CFTR: variants seen among roughly 807,000 people sequenced by gnomAD.
The protein encoded by CFTR is CF transmembrane conductance regulator, also known as cystic fibrosis transmembrane conductance regulator.
In CFTR, 181 loss-of-function variants were observed where a neutral mutation model predicts 171.6. The ratio of observed to expected loss-of-function variants is 1.05; its 90% CI spans 0.93 to 1.19. The LOEUF (loss-of-function observed/expected upper bound fraction) is 1.19, where lower values mean the gene tolerates loss of function less well. CFTR is among the 50% of genes most tolerant of loss of function. CFTR has a pLI of 0.00. For synonymous variants in CFTR, 583 were observed against 608.0 expected, an observed-to-expected ratio of 0.96 and a Z score of 0.60; for missense variants, 1,968 against 1,734.7, an observed-to-expected ratio of 1.13 and a Z score of -2.39.
chr7:117,644,989 A>C (rs1440450799), intron 23 of CFTR, among the ~76,000 whole-genome samples: 3 of 152,218 alleles, frequency 2.0e-5, no homozygotes, highest in Non-Finnish European at 4.4e-5. Context: ...ATGTATGTCT[A>C]AATCTTCAGT....
intron 13 of CFTR, among the ~76,000 whole-genome samples, chr7:117,591,489 T>C (rs1339973991): frequency 6.6e-6 from 1 of 151,998 alleles, no homozygotes; most frequent in Non-Finnish European, 1.5e-5. Flanking sequence ...GAGAAATAAA[T>C]TGATGGTCAA....
At chr7:117,502,785 C>A (rs1308266096) in intron 1 of CFTR, among the ~76,000 whole-genome samples, 2 of 152,198 alleles carry the variant, frequency 1.3e-5, no homozygotes, top group Non-Finnish European at 2.9e-5. Flanking sequence ...CTAATTATCG[C>A]TCTTTGTTAA....
intron 22 of CFTR, among the ~76,000 whole-genome samples, chr7:117,631,343 C>T (rs557963392): frequency 1.3e-5 from 2 of 152,218 alleles, no homozygotes; most frequent in African/African-American, 4.8e-5. Context: ...AGGTGAATAA[C>T]ATCCTTTGTT....
At chr7:117,567,350 C>T (rs4439060) in intron 11 of CFTR, among the ~76,000 whole-genome samples, 1 of 152,146 alleles carries the variant, frequency 6.6e-6, no homozygotes, top group African/African-American at 2.4e-5. Flanking sequence ...CATTAGGCTT[C>T]TGACTCTATA....
At position 117,603,619 on chromosome 7, in the gene CFTR, G is replaced by A. The variant is rs1792258506; in HGVS notation, c.2745G>A (p.Val915=). 7 of 1,614,076 alleles carry A rather than the reference G, an allele frequency of 4.3e-6. No homozygotes were observed. The East Asian group carries it at 6.7e-5, about 15-fold the overall frequency. The change falls in exon 17 of 27, where the codon GTG becomes GTA. Residue 915 remains valine, a synonymous_variant. Transcript: ENST00000003084. ...VIITSTSSYY[V]FYIYVGVADT... ...TCACCAGCACCAGTTCGTATTATGT[G>A]TTTTACATTTACGTGGGAGTAGCCG...
intron 23 of CFTR, among the ~76,000 whole-genome samples, chr7:117,651,952 C>T (rs1369454447): frequency 6.6e-6 from 1 of 151,634 alleles, no homozygotes; most frequent in African/African-American, 2.4e-5. Flanking sequence ...TGTTATTAAC[C>T]AAAGGCAAAA....
At chr7:117,596,394 C>T (rs1274739334) in intron 15 of CFTR, among the ~76,000 whole-genome samples, 1 of 152,244 alleles carries the variant, frequency 6.6e-6, no homozygotes, top group Non-Finnish European at 1.5e-5. Flanking sequence ...CCCCAACCTG[C>T]CGCTGCAGTG....
chr7:117,488,345 T>G (rs1798105766), intron 1 of CFTR, among the ~76,000 whole-genome samples: 1 of 152,150 alleles, frequency 6.6e-6, no homozygotes, highest in Admixed American at 6.6e-5. Flanking sequence ...AGAAAAAATT[T>G]TAAGTCTTCT....
At chr7:117,568,673 T>C (rs972554225) in intron 11 of CFTR, among the ~76,000 whole-genome samples, 1 of 152,228 alleles carries the variant, frequency 6.6e-6, no homozygotes, top group Admixed American at 6.5e-5. Context: ...GATTTATGTA[T>C]ACATTGTGAA....
chr7:117,518,569 CATAT>C (rs72291298), intron 3 of CFTR, among the ~76,000 whole-genome samples: 2 of 142,094 alleles, frequency 1.4e-5, no homozygotes, highest in Admixed American at 7.1e-5. Context: ...TATATAAAAA[CATAT>C]ATATATATAT....
intron 22 of CFTR, among the ~76,000 whole-genome samples, chr7:117,637,341 A>G (rs1034864422): frequency 9.2e-5 from 14 of 151,922 alleles, no homozygotes; most frequent in African/African-American, 3.4e-4. Context: ...TAGGTGTAGC[A>G]GAGGGTGAGG....
At chr7:117,576,995 A>G (rs1327939106) in intron 11 of CFTR, among the ~76,000 whole-genome samples, 1 of 152,166 alleles carries the variant, frequency 6.6e-6, no homozygotes, top group African/African-American at 2.4e-5. Flanking sequence ...GAAGGTAGAG[A>G]TATGTGAACA....
Position 117,610,636 on chromosome 7 carries a change from A to G in CFTR, c.3106A>G (p.Thr1036Ala). The G allele has an allele frequency of 6.2e-7, 1 of 1,613,488 alleles. No individual in the cohort carries two copies. The highest frequency in any genetic ancestry group is 1.3e-5 in the African/African-American group (1 of 74,980). Residue 1036 changes from threonine (T) to alanine (A), a missense_variant, in exon 19 of 27, where the codon ACC (threonine) becomes GCC (alanine). By Grantham distance (58) the Thr-to-Ala change is moderately conservative (BLOSUM62 0). Coordinates refer to ENST00000003084, the MANE Select transcript of CFTR (RefSeq NM_000492.4). ...FIMLRAYFLQ[T>A]SQQLKQLESE... ...TATGTTGAGAGCATATTTCCTCCAA[A>G]CCTCACAGCAACTCAAACAACTGGA... is the stretch of plus-strand genomic sequence containing the variant.
chr7:117,591,992 C>T lies in CFTR; in HGVS notation c.1825C>T (p.His609Tyr), dbSNP rs2116030305. 2 of 1,595,330 alleles carry T rather than the reference C, an allele frequency of 1.3e-6. No individual in the cohort carries two copies. The highest frequency in any genetic ancestry group is 1.7e-6 in the Non-Finnish European group (2 of 1,174,990). Residue 609 changes from histidine (H) to tyrosine (Y), a missense_variant, in exon 14 of 27, where the codon CAT becomes TAT. His to Tyr is a moderately conservative substitution (Grantham distance 83, BLOSUM62 2). Transcript: ENST00000003084. ...GATTTTGGTCACTTCTAAAATGGAA[C>T]ATTTAAAGAAAGCTGACAAAATATT... ...TRILVTSKMEHLKKADKILIL... is the reference protein window; with the variant it reads ...TRILVTSKMEYLKKADKILIL...
intron 17 of CFTR, among the ~76,000 whole-genome samples, chr7:117,606,271 G>T (rs139568843): frequency 6.6e-6 from 1 of 152,066 alleles, no homozygotes; most frequent in Non-Finnish European, 1.5e-5. Context: ...AGGAGAAGGA[G>T]ACCCCTATGT....
chr7:117,532,215 T>G (rs213942), intron 4 of CFTR, among the ~76,000 whole-genome samples: 11 of 151,986 alleles, frequency 7.2e-5, no homozygotes, highest in Admixed American at 2.0e-4. Context: ...AAGTGAAGAC[T>G]TTGTTAGATA....
At chr7:117,503,519 G>A (rs1562882478) in intron 1 of CFTR, among the ~76,000 whole-genome samples, 1 of 152,024 alleles carries the variant, frequency 6.6e-6, no homozygotes, top group African/African-American at 2.4e-5. Flanking sequence ...ATCCTCAACA[G>A]TTAGAAACAA....
chr7:117,583,404 G>T (rs1791881277), intron 11 of CFTR, among the ~76,000 whole-genome samples: 1 of 151,694 alleles, frequency 6.6e-6, no homozygotes. Flanking sequence ...GCTCCCACTT[G>T]TAAGTGAGAA....
At chr7:117,603,862 G>A in intron 17 of CFTR, 80 bp downstream of exon 17, 1 of 1,518,716 alleles carries the variant, frequency 6.6e-7, no homozygotes, top group South Asian at 1.1e-5. Flanking sequence ...TCTAATGGCA[G>A]TGCTGGCTTT....
Sources: gnomAD v4.1 joint callset for allele counts (sites outside exome capture counted in the v4.1 genomes callset) on GRCh38, gnomAD v4.1.1 for gene constraint, MANE v1.5 for transcripts, NCBI Gene and HGNC (gene_info 2026-07-23, HGNC 2026-07-21) for gene names.